DIAPH1: variants seen among roughly 807,000 people sequenced by gnomAD.
DIAPH1 encodes the protein diaphanous related formin 1.
In DIAPH1, 46 loss-of-function variants were observed where a neutral mutation model predicts 140.7. The observed-to-expected ratio is 0.33, with a 90% confidence interval of 0.26 to 0.42. The LOEUF (loss-of-function observed/expected upper bound fraction) is 0.42, where lower values mean the gene tolerates loss of function less well. DIAPH1 is among the 10% of genes least tolerant of loss of function. The pLI is 1.00. For synonymous variants in DIAPH1, 565 were observed against 551.6 expected (o/e 1.02, Z -0.34); for missense variants, 1,310 against 1,558.7 (o/e 0.84, Z 2.69).
intron 18 of DIAPH1, among the ~76,000 whole-genome samples, chr5:141,545,394 G>A (rs1312608991): frequency 6.6e-5 from 10 of 152,218 alleles, no homozygotes; most frequent in African/African-American, 2.2e-4. Flanking sequence ...GCTCATGCCT[G>A]TAATCCCAGC....
Position 141,565,486 on chromosome 5 carries a change from A to T in DIAPH1, c.2482+5942T>A, listed in dbSNP as rs1430493255. On this transcript the variant is annotated intron_variant, in intron 18 of 27. Coordinates refer to ENST00000389054, the MANE Select transcript of DIAPH1 (RefSeq NM_005219.5). The surrounding 1 kb of genome is among the most constrained non-coding windows in gnomAD (Gnocchi z 4.3). ...ATTCTACATATTTGTTAAAATGATG[A>T]TAACAAATTAGTCCAGGAACTGGCT... is the stretch of plus-strand genomic sequence containing the variant. Among the ~76,000 whole-genome samples the T allele has an allele frequency of 6.6e-6, 1 of 152,230 alleles. No individual in the cohort carries two copies.
chr5:141,592,446 A>G (rs906823350), intron 1 of DIAPH1, among the ~76,000 whole-genome samples: 1 of 152,076 alleles, frequency 6.6e-6, no homozygotes, highest in Non-Finnish European at 1.5e-5. Flanking sequence ...AGTTGTGTGT[A>G]TTCTCTGAAA....
Position 141,578,626 on chromosome 5 carries a change from C to T in DIAPH1, c.934-1G>A, listed in dbSNP as rs2099896296. The stretch of plus-strand genomic sequence containing the variant: ...CATTGATCAGCTGTAGGCATCCAAC[C>T]TAAAATAAGAAAATTCAGCAGCTAT... On this transcript the variant is annotated splice_acceptor_variant, in intron 9 of 27. Transcript: ENST00000389054. LOFTEE classifies it high-confidence loss of function. 2 of 1,611,706 alleles carry T rather than the reference C, an allele frequency of 1.2e-6. No homozygotes were observed. Among genetic ancestry groups the T allele is most frequent in the Non-Finnish European group, 1.7e-6 (2 of 1,179,064 alleles).
intron 18 of DIAPH1, among the ~76,000 whole-genome samples, chr5:141,543,464 T>A (rs1160222414): frequency 6.6e-6 from 1 of 152,214 alleles, no homozygotes; most frequent in African/African-American, 2.4e-5. Context: ...ACTTTCTGAA[T>A]ACAGACTATC....
chr5:141,576,358 C>T (rs1596381927), intron 13 of DIAPH1, 64 bp from the exon 14 acceptor site: 2 of 1,219,528 alleles, frequency 1.6e-6, no homozygotes, highest in Non-Finnish European at 2.4e-6. Flanking sequence ...TTTCACACTA[C>T]ACCCTTCCAA....
chr5:141,604,434 G>A (rs1203941631), intron 1 of DIAPH1, among the ~76,000 whole-genome samples: 1 of 152,116 alleles, frequency 6.6e-6, no homozygotes, highest in African/African-American at 2.4e-5. Flanking sequence ...TTAAAAAAAG[G>A]GGTGTTGTCC....
At chr5:141,598,200 TG>T (rs1323601689) in intron 1 of DIAPH1, among the ~76,000 whole-genome samples, 2 of 152,248 alleles carry the variant, frequency 1.3e-5, no homozygotes, top group Non-Finnish European at 2.9e-5. Context: ...GTTAGATTTT[TG>T]TTTCTTAAGT....
intron 18 of DIAPH1, among the ~76,000 whole-genome samples, chr5:141,569,623 A>G (rs949725516): frequency 2.0e-5 from 3 of 151,972 alleles, no homozygotes; most frequent in Non-Finnish European, 4.4e-5. Context: ...TTAGCTGGAC[A>G]TGATGGTGGG....
intron 26 of DIAPH1, chr5:141,524,723 C>T (rs1360170239): frequency 8.8e-6 from 2 of 226,384 alleles, no homozygotes; most frequent in African/African-American, 4.6e-5. Context: ...TCTAAGTCCT[C>T]TGCATCTAAG....
intron 18 of DIAPH1, among the ~76,000 whole-genome samples, chr5:141,561,118 T>C (rs761405573): frequency 5.3e-5 from 8 of 152,190 alleles, no homozygotes; most frequent in East Asian, 1.9e-4. Context: ...CGGGAAATTC[T>C]TGGGAAGGAT....
chr5:141,539,820 G>C (rs2099889694), intron 18 of DIAPH1, among the ~76,000 whole-genome samples: 1 of 150,958 alleles, frequency 6.6e-6, no homozygotes, highest in South Asian at 2.1e-4. Context: ...TCTTTTTCTT[G>C]GTCAATCTGG....
intron 12 of DIAPH1, among the ~76,000 whole-genome samples, chr5:141,577,161 A>T (rs1023217810): frequency 6.6e-6 from 1 of 152,228 alleles, no homozygotes; most frequent in African/African-American, 2.4e-5. Context: ...TGCTATTGCT[A>T]AATCTATACT....
chr5:141,539,568 A>G (rs1418397390), intron 18 of DIAPH1, among the ~76,000 whole-genome samples: 5 of 151,406 alleles, frequency 3.3e-5, no homozygotes, highest in Non-Finnish European at 7.4e-5. Context: ...CCGTGCCCCC[A>G]GCCTTTTTTG....
At chr5:141,549,431 A>C (rs959079138) in intron 18 of DIAPH1, among the ~76,000 whole-genome samples, 1 of 152,190 alleles carries the variant, frequency 6.6e-6, no homozygotes, top group Admixed American at 6.5e-5. Flanking sequence ...TGAAAAAGAC[A>C]AATCCATAAC....
At position 141,578,628 on chromosome 5, in the gene DIAPH1, A is replaced by C. The variant is rs886060033; in HGVS notation, c.934-3T>G. 1 of 1,609,974 alleles carries C rather than the reference A, an allele frequency of 6.2e-7. No homozygotes were observed. Among genetic ancestry groups the C allele is most frequent in the Non-Finnish European group, 8.5e-7 (1 of 1,177,432 alleles). ...TTGATCAGCTGTAGGCATCCAACCT[A>C]AAATAAGAAAATTCAGCAGCTATGT... On this transcript the variant is annotated splice_region_variant and splice_polypyrimidine_tract_variant and intron_variant, in intron 9 of 27. Transcript: ENST00000389054.
chr5:141,528,998 GA>G, intron 21 of DIAPH1, 57 bp from the exon 22 acceptor site: 1 of 1,612,934 alleles, frequency 6.2e-7, no homozygotes, highest in Non-Finnish European at 8.5e-7. Context: ...GTCAGAAAAA[GA>G]TACACGCTTG....
At chr5:141,553,468 C>T (rs2099892066) in intron 18 of DIAPH1, among the ~76,000 whole-genome samples, 1 of 151,976 alleles carries the variant, frequency 6.6e-6, no homozygotes, top group Non-Finnish European at 1.5e-5. Context: ...GGCGAAACCC[C>T]AACTCTACTA....
chr5:141,536,709 AG>A (rs1045136926), intron 18 of DIAPH1, among the ~76,000 whole-genome samples: 1 of 152,168 alleles, frequency 6.6e-6, no homozygotes, highest in Non-Finnish European at 1.5e-5. Flanking sequence ...TCCAGGGGAA[AG>A]GGGCAAAAGC....
chr5:141,609,365 T>A (rs2099901457), intron 1 of DIAPH1, among the ~76,000 whole-genome samples: 1 of 152,142 alleles, frequency 6.6e-6, no homozygotes, highest in African/African-American at 2.4e-5. Context: ...GCAGTCCAGT[T>A]TTACACTGCA....
Sources: gnomAD v4.1 joint callset for allele counts (sites outside exome capture counted in the v4.1 genomes callset) on GRCh38, gnomAD v4.1.1 for gene constraint, Gnocchi (gnomAD v3.1) non-coding constraint, MANE v1.5 for transcripts, NCBI Gene and HGNC (gene_info 2026-07-23, HGNC 2026-07-21) for gene names.